The following PCDH15 variants were observed in gnomAD, a reference collection of about 807,000 sequenced individuals.
PCDH15 encodes protocadherin-15.
PCDH15 carries 129 observed loss-of-function variants against 178.5 expected under a neutral mutation model. The ratio of observed to expected loss-of-function variants is 0.72; its 90% CI spans 0.63 to 0.84. PCDH15 has a LOEUF of 0.84. Among genes scored for constraint, PCDH15 ranks in the 40% least tolerant of loss-of-function variants. The probability of loss-of-function intolerance (pLI) is 0.00; values close to 1 mark genes in which losing one functional copy is unlikely to be tolerated. For missense variants in PCDH15, 2,230 were observed against 2,099.9 expected, an observed-to-expected ratio of 1.06 and a Z score of -1.21; for synonymous variants, 800 against 732.0, an observed-to-expected ratio of 1.09 and a Z score of -1.50.
At position 54,236,735 on chromosome 10, in the gene PCDH15, T is replaced by C. The variant is rs962306403; in HGVS notation, c.985+88A>G. 2.5e-5 allele frequency: 27 copies of C among 1,077,102 alleles called. No homozygotes were observed. In the African/African-American group the frequency reaches 3.7e-4, roughly 15 times the overall value. The allele number at this position is 1,077,102 out of a possible 1,614,324, so 66.7% of individuals were successfully genotyped here. On this transcript the variant is annotated intron_variant, in intron 9 of 37. Coordinates refer to ENST00000644397, the MANE Select transcript of PCDH15 (RefSeq NM_001384140.1). ...AATCATGTCAAATAATAAACTTTGT[T>C]ATTTAAAATATTTCCTTGGAATTGA...
At chr10:54,638,032 T>G (rs1590740754) in intron 2 of PCDH15, among the ~76,000 whole-genome samples, 1 of 152,146 alleles carries the variant, frequency 6.6e-6, no homozygotes, top group Non-Finnish European at 1.5e-5. Context: ...ATGAGGAAAT[T>G]GTATCCCAGA....
chr10:55,046,608 T>C (rs149367321), intron 2 of PCDH15, among the ~76,000 whole-genome samples: 2 of 152,120 alleles, frequency 1.3e-5, no homozygotes, highest in African/African-American at 4.8e-5. Flanking sequence ...GCTGACTGCA[T>C]TGGAGTTGCA....
At chr10:55,552,913 G>A in intron 2 of PCDH15, among the ~76,000 whole-genome samples, 1 of 151,590 alleles carries the variant, frequency 6.6e-6, no homozygotes, top group East Asian at 1.9e-4. Flanking sequence ...ACTTAAATAT[G>A]TTAATCCATG....
intron 2 of PCDH15, among the ~76,000 whole-genome samples, chr10:55,515,279 G>C (rs978685309): frequency 6.6e-6 from 1 of 151,818 alleles, no homozygotes; most frequent in Non-Finnish European, 1.5e-5. Context: ...GCGCGTGGCC[G>C]GGGCATTGTT....
In PCDH15 at chr10:55,544,703, AG is replaced by A. The variant is rs368917374; in HGVS notation, c.-156+82921del. Among the ~76,000 whole-genome samples the A allele has an allele frequency of 4.6e-3, 697 of 152,262 alleles. 4 individuals carry two copies. Among genetic ancestry groups the A allele is most frequent in the East Asian group, 0.014 (72 of 5,172 alleles). On this transcript the variant is annotated intron_variant, in intron 2 of 5. Transcript: ENST00000613346. ...GAAAATCTGCGCAAGCCTGGTTGAA[AG>A]GGTATCACAGATGTTGAAGTTTTAA... is the stretch of plus-strand genomic sequence containing the variant.
At chr10:54,174,417 C>A (rs1258075792) in intron 13 of PCDH15, among the ~76,000 whole-genome samples, 1 of 151,844 alleles carries the variant, frequency 6.6e-6, no homozygotes, top group African/African-American at 2.4e-5. Context: ...CTCCTGTAGT[C>A]CCAGCTACTC....
intron 8 of PCDH15, among the ~76,000 whole-genome samples, chr10:54,270,047 C>T (rs540172228): frequency 2.6e-5 from 4 of 151,956 alleles, no homozygotes; most frequent in Admixed American, 2.6e-4. Flanking sequence ...TTTTAACACA[C>T]TGTACTAGGT....
chr10:53,875,334 C>CATAA (rs5785024), intron 26 of PCDH15, among the ~76,000 whole-genome samples: 96,090 of 151,162 alleles, frequency 0.64, 31,257 homozygotes, highest in Middle Eastern at 0.78. Flanking sequence ...TTAGTAATGG[C>CATAA]ATAAATAATT....
chr10:55,239,138 T>C (rs1841477604), intron 1 of PCDH15, among the ~76,000 whole-genome samples: 1 of 152,188 alleles, frequency 6.6e-6, no homozygotes, highest in African/African-American at 2.4e-5. Context: ...GTGCTTGGCT[T>C]ATTTCACTTA....
chr10:55,009,585 A>G (rs1840005544), intron 2 of PCDH15, among the ~76,000 whole-genome samples: 1 of 152,114 alleles, frequency 6.6e-6, no homozygotes, highest in Non-Finnish European at 1.5e-5. Flanking sequence ...CTTTTTATGT[A>G]TAATTTCAAT....
intron 11 of PCDH15, among the ~76,000 whole-genome samples, chr10:54,191,760 A>AGG (rs2049013015): frequency 6.7e-6 from 1 of 149,790 alleles, no homozygotes; most frequent in Non-Finnish European, 1.5e-5. Flanking sequence ...GCAAAAAAAA[A>AGG]AAAAAAAAAA....
chr10:55,242,045 T>A (rs185635103), intron 1 of PCDH15, among the ~76,000 whole-genome samples: 61 of 152,330 alleles, frequency 4.0e-4, no homozygotes, highest in African/African-American at 1.5e-3. Flanking sequence ...TAAGCCAAGA[T>A]AATCCATAAT....
intron 1 of PCDH15, among the ~76,000 whole-genome samples, chr10:54,718,443 C>G (rs1006225053): frequency 2.6e-5 from 4 of 151,948 alleles, no homozygotes; most frequent in African/African-American, 9.7e-5. Flanking sequence ...CATACAAAGG[C>G]TATATGTAAC....
chr10:55,326,179 T>A (rs1844026312), intron 2 of PCDH15, among the ~76,000 whole-genome samples: 1 of 152,118 alleles, frequency 6.6e-6, no homozygotes, highest in Non-Finnish European at 1.5e-5. Context: ...GTTTGACAAT[T>A]TCTGAAAGGA....
rs2094725622 is a variant in PCDH15 at position 54,097,720 on chromosome 10, A to C, written c.1918-7657T>G. ...GTCATTTGGTCCTTGCAAAGTTATAAGCCTTAATGATTACATTATAATGAG... is the reference window on the plus strand; with the variant it reads ...GTCATTTGGTCCTTGCAAAGTTATACGCCTTAATGATTACATTATAATGAG... On this transcript the variant is annotated intron_variant, in intron 15 of 37. Coordinates refer to ENST00000644397, the MANE Select transcript of PCDH15 (RefSeq NM_001384140.1). 2.0e-5 allele frequency among the ~76,000 whole-genome samples: 3 copies of C among 152,174 alleles called. No homozygotes were observed. The South Asian group carries it at 6.2e-4, about 31-fold the overall frequency.
At chr10:54,804,938 T>TATATATATAC (rs1554800513), upstream of PCDH15, among the ~76,000 whole-genome samples, 143 of 126,416 alleles carry the variant, frequency 1.1e-3, 18 homozygotes, top group African/African-American at 2.9e-3. Flanking sequence ...TATATATATA[T>TATATATATAC]ATATATATAT....
At chr10:53,849,142 A>G (rs2078176061) in intron 28 of PCDH15, among the ~76,000 whole-genome samples, 1 of 152,176 alleles carries the variant, frequency 6.6e-6, no homozygotes, top group African/African-American at 2.4e-5. Flanking sequence ...TAAAAAAGAT[A>G]AAAAGTAGAA....
intron 2 of PCDH15, among the ~76,000 whole-genome samples, chr10:54,559,082 C>T (rs1358644266): frequency 6.6e-6 from 1 of 151,934 alleles, no homozygotes; most frequent in Non-Finnish European, 1.5e-5. Flanking sequence ...CACACGAAGG[C>T]CTCTGCATCC....
intron 2 of PCDH15, among the ~76,000 whole-genome samples, chr10:55,387,483 T>C (rs981061329): frequency 2.6e-5 from 4 of 152,110 alleles, no homozygotes; most frequent in African/African-American, 9.6e-5. Flanking sequence ...ACATATCCCC[T>C]AGCTGTCAAC....
Sources: gnomAD v4.1 joint callset for allele counts (sites outside exome capture counted in the v4.1 genomes callset) on GRCh38, gnomAD v4.1.1 for gene constraint, MANE v1.5 for transcripts, NCBI Gene and HGNC (gene_info 2026-07-23, HGNC 2026-07-21) for gene names.